Variants in LDLRAD4 observed in about 807,000 individuals in gnomAD.
The protein encoded by LDLRAD4 is low density lipoprotein receptor class A domain containing 4.
Under a neutral mutation model 17.0 loss-of-function variants are expected in LDLRAD4, and 5 were observed. The ratio of observed to expected loss-of-function variants is 0.29; its 90% CI spans 0.15 to 0.62. The LOEUF (loss-of-function observed/expected upper bound fraction) is 0.62. Among genes scored for constraint, LDLRAD4 ranks in the 20% least tolerant of loss-of-function variants. The pLI, the probability that LDLRAD4 is intolerant of heterozygous loss-of-function variation, is 0.84. For missense variants in LDLRAD4, 340 were observed against 424.7 expected (o/e 0.80, Z 1.75); for synonymous variants, 168 against 171.8 (o/e 0.98, Z 0.17).
At chr18:13,612,941 A>T (rs2039740867) in intron 3 of LDLRAD4, 1 of 687,576 alleles carries the variant, frequency 1.5e-6, no homozygotes, top group Non-Finnish European at 2.4e-6. Flanking sequence ...TCCGGGTGGG[A>T]CTCCCTTTAG....
chr18:13,347,927 T>A (rs1475558826), intron 1 of LDLRAD4, among the ~76,000 whole-genome samples: 1 of 152,202 alleles, frequency 6.6e-6, no homozygotes, highest in Non-Finnish European at 1.5e-5. Flanking sequence ...CTTCATCAGG[T>A]CCTTTAAGGA....
At chr18:13,576,713 AT>A (rs2094778438) in intron 3 of LDLRAD4, among the ~76,000 whole-genome samples, 2 of 152,146 alleles carry the variant, frequency 1.3e-5, no homozygotes, top group African/African-American at 4.8e-5. Flanking sequence ...GAACCTTCAG[AT>A]TTGTTGGGTG....
intron 3 of LDLRAD4, among the ~76,000 whole-genome samples, chr18:13,605,312 G>A (rs2148663417): frequency 6.6e-6 from 1 of 152,292 alleles, no homozygotes; most frequent in Non-Finnish European, 1.5e-5. Context: ...CGACCTCCTG[G>A]GCTCAAGTGA....
chr18:13,452,853 G>A (rs1163600566), intron 3 of LDLRAD4, among the ~76,000 whole-genome samples: 1 of 152,176 alleles, frequency 6.6e-6, no homozygotes, highest in Non-Finnish European at 1.5e-5. Flanking sequence ...GAGGTCAGTG[G>A]CAATGAGTCC....
In LDLRAD4 at chr18:13,505,913, G is replaced by A. The variant is rs77733380; in HGVS notation, c.181+67529G>A. Among the ~76,000 whole-genome samples the A allele has an allele frequency of 1.2e-4, 18 of 152,256 alleles. No individual in the cohort carries two copies. The East Asian group carries it at 2.1e-3, about 18-fold the overall frequency. ...GAGACTGATCCCTAGTGGTCTGAGCGGTGCCACCTCCTCTCATCCTGTCAC... is the reference window on the plus strand; with the variant it reads ...GAGACTGATCCCTAGTGGTCTGAGCAGTGCCACCTCCTCTCATCCTGTCAC... On this transcript the variant is annotated intron_variant, in intron 3 of 5. Coordinates refer to ENST00000359446, the Ensembl canonical transcript of LDLRAD4.
chr18:13,270,914 G>A (rs934250737), intron 1 of LDLRAD4, among the ~76,000 whole-genome samples: 3 of 152,210 alleles, frequency 2.0e-5, no homozygotes, highest in African/African-American at 4.8e-5. Flanking sequence ...GAGTGTGTTT[G>A]TGTACATATG....
chr18:13,493,315 T>G (rs1016777394), intron 3 of LDLRAD4, among the ~76,000 whole-genome samples: 4 of 152,208 alleles, frequency 2.6e-5, no homozygotes, highest in Non-Finnish European at 4.4e-5. Context: ...GAGTCTGTCT[T>G]TCTTTTTCTA....
chr18:13,453,755 G>A (rs561670051), intron 3 of LDLRAD4, among the ~76,000 whole-genome samples: 13 of 152,288 alleles, frequency 8.5e-5, no homozygotes, highest in East Asian at 5.8e-4. Context: ...CAGGGCGCCC[G>A]GTGCTCCACC....
At chr18:13,564,606 A>AAC (rs1218301380) in intron 3 of LDLRAD4, among the ~76,000 whole-genome samples, 2 of 143,204 alleles carry the variant, frequency 1.4e-5, no homozygotes, top group Admixed American at 7.0e-5. Flanking sequence ...AAAAAAAAAA[A>AAC]CTCACAAAAA....
At chr18:13,455,625 G>A (rs2092090828) in intron 3 of LDLRAD4, among the ~76,000 whole-genome samples, 1 of 152,110 alleles carries the variant, frequency 6.6e-6, no homozygotes, top group Non-Finnish European at 1.5e-5. Context: ...TGAGATACAG[G>A]CAGAAGGTGG....
chr18:13,315,919 G>T (rs1240431895), intron 1 of LDLRAD4, among the ~76,000 whole-genome samples: 1 of 152,066 alleles, frequency 6.6e-6, no homozygotes, highest in Non-Finnish European at 1.5e-5. Context: ...ACTCTGCACT[G>T]TAGATTGACA....
At chr18:13,487,275 C>G (rs942078070) in intron 3 of LDLRAD4, 5 of 152,262 alleles carry the variant, frequency 3.3e-5, no homozygotes, top group African/African-American at 1.2e-4. Flanking sequence ...GCCCCCTGTC[C>G]CTGGTGTGCT....
At chr18:13,518,705 C>T (rs2093908412) in intron 3 of LDLRAD4, among the ~76,000 whole-genome samples, 2 of 152,184 alleles carry the variant, frequency 1.3e-5, no homozygotes, top group Admixed American at 1.3e-4. Flanking sequence ...AATTTATACC[C>T]ACCAGATGTC....
intron 3 of LDLRAD4, among the ~76,000 whole-genome samples, chr18:13,445,282 G>A (rs1354842555): frequency 6.6e-6 from 1 of 152,202 alleles, no homozygotes; most frequent in African/African-American, 2.4e-5. Context: ...GTATGCCAGA[G>A]TGTGTGGGAC....
chr18:13,292,951 G>A (rs2046050928), intron 1 of LDLRAD4, among the ~76,000 whole-genome samples: 1 of 152,244 alleles, frequency 6.6e-6, no homozygotes, highest in Admixed American at 6.5e-5. Context: ...GATTCCACGA[G>A]TTCAGCGAGG....
chr18:13,383,129 C>A (rs73421356), intron 1 of LDLRAD4, among the ~76,000 whole-genome samples: 1 of 152,220 alleles, frequency 6.6e-6, no homozygotes, highest in Non-Finnish European at 1.5e-5. Flanking sequence ...CCTTGCCAGG[C>A]GCAGCTAGGG....
At chr18:13,400,034 GT>G (rs1336095378) in intron 2 of LDLRAD4, among the ~76,000 whole-genome samples, 2 of 152,226 alleles carry the variant, frequency 1.3e-5, no homozygotes, top group Non-Finnish European at 2.9e-5. Flanking sequence ...CTTCCCTGTT[GT>G]TTGTCTGATG....
intron 2 of LDLRAD4, among the ~76,000 whole-genome samples, chr18:13,421,856 G>A (rs765589543): frequency 5.3e-5 from 8 of 152,218 alleles, no homozygotes; most frequent in African/African-American, 1.4e-4. Context: ...CCTGGGGGAC[G>A]GGCCTGGGGC....
At chr18:13,548,468 G>T (rs1161475802) in intron 3 of LDLRAD4, among the ~76,000 whole-genome samples, 1 of 152,216 alleles carries the variant, frequency 6.6e-6, no homozygotes, top group Admixed American at 6.5e-5. Context: ...GTCCAGAAGG[G>T]GCCAAGGGCA....
Sources: allele counts gnomAD v4.1 joint callset (sites outside exome capture counted in the v4.1 genomes callset), GRCh38; gene constraint gnomAD v4.1.1; transcripts MANE v1.5; gene names NCBI Gene and HGNC (gene_info 2026-07-23, HGNC 2026-07-21).